TEKT5: variants seen among roughly 807,000 people sequenced by gnomAD.
TEKT5 encodes the protein tektin 5.
Under a neutral mutation model 48.7 loss-of-function variants are expected in TEKT5, and 52 were observed. That is an observed-to-expected ratio of 1.07 (90% CI 0.86 to 1.35). TEKT5 has a LOEUF of 1.35. Among genes scored for constraint, TEKT5 ranks in the 40% most tolerant of loss-of-function variants. The pLI is 0.00. For synonymous variants in TEKT5, 318 were observed against 267.6 expected (o/e 1.19, Z -1.84); for missense variants, 831 against 641.6 (o/e 1.30, Z -3.19).
intron 5 of TEKT5, among the ~76,000 whole-genome samples, chr16:10,655,624 T>A (rs1413384411): frequency 4.1e-4 from 62 of 152,222 alleles, no homozygotes; most frequent in Admixed American, 4.1e-3. Context: ...GCCATGTGAC[T>A]AATTCTAGCC....
chr16:10,656,264 T>G (rs900067756), intron 5 of TEKT5, among the ~76,000 whole-genome samples: 1 of 152,176 alleles, frequency 6.6e-6, no homozygotes, highest in Admixed American at 6.5e-5. Flanking sequence ...TATTTTTATT[T>G]TTATTTTTTT....
rs766724975 is a variant in TEKT5, at chr16:10,694,894, C to G, written c.-21G>C. On this transcript the variant is annotated 5_prime_UTR_variant, in exon 1 of 7. Coordinates refer to ENST00000283025, the MANE Select transcript of TEKT5 (RefSeq NM_144674.2). ...TCCATCCTCCCTCATGAGCCCCACT[C>G]GGGCAAAACTCAGCTCAAGGAGCCA... is the stretch of plus-strand genomic sequence containing the variant. 1.3e-6 allele frequency: 2 copies of G among 1,523,336 alleles called. No individual in the cohort carries two copies. The highest frequency in any genetic ancestry group is 1.8e-6 in the Non-Finnish European group (2 of 1,142,796). The allele number at this position is 1,523,336 out of a possible 1,614,324, so 94.4% of individuals were successfully genotyped here.
intron 5 of TEKT5, among the ~76,000 whole-genome samples, chr16:10,663,562 A>AGG (rs1404271652): frequency 2.0e-5 from 3 of 152,118 alleles, no homozygotes; most frequent in African/African-American, 7.2e-5. Context: ...GCAAGGAGAG[A>AGG]GAGAAAGAGG....
At chr16:10,640,101 C>CTTCCTTCCTTTCTTCTCCTT (rs1897972321) in intron 5 of TEKT5, among the ~76,000 whole-genome samples, 1 of 144,160 alleles carries the variant, frequency 6.9e-6, no homozygotes, top group East Asian at 2.1e-4. Flanking sequence ...CTTCCCTCTC[C>CTTCCTTCCTTTCTTCTCCTT]CCTCCTCCCG....
chr16:10,634,687 G>A (rs1170080977), intron 6 of TEKT5, among the ~76,000 whole-genome samples: 1 of 152,154 alleles, frequency 6.6e-6, no homozygotes, highest in Non-Finnish European at 1.5e-5. Flanking sequence ...TGACATCCTT[G>A]TGGCTGGTAC....
chr16:10,661,570 G>A (rs1015341080), intron 5 of TEKT5, among the ~76,000 whole-genome samples: 2 of 152,248 alleles, frequency 1.3e-5, no homozygotes, highest in Non-Finnish European at 2.9e-5. Flanking sequence ...TGGACAAGCT[G>A]AGAGACAGGA....
intron 4 of TEKT5, among the ~76,000 whole-genome samples, chr16:10,679,535 G>C (rs1287429926): frequency 6.6e-6 from 1 of 151,572 alleles, no homozygotes; most frequent in Non-Finnish European, 1.5e-5. Context: ...GCAGTGAATA[G>C]AGATACTGCA....
At chr16:10,666,978 CTTTTTTT>C (rs201657619) in intron 5 of TEKT5, among the ~76,000 whole-genome samples, 4 of 124,670 alleles carry the variant, frequency 3.2e-5, no homozygotes, top group African/African-American at 1.2e-4. Context: ...TGGCTCCTTA[CTTTTTTT>C]TTTTTTTTTT....
intron 5 of TEKT5, among the ~76,000 whole-genome samples, chr16:10,647,108 G>C (rs1244816606): frequency 6.6e-6 from 1 of 152,036 alleles, no homozygotes; most frequent in East Asian, 1.9e-4. Flanking sequence ...TACCATCTAG[G>C]CGTCCCTACT....
chr16:10,655,476 T>G (rs73510045), intron 5 of TEKT5, among the ~76,000 whole-genome samples: 1 of 152,238 alleles, frequency 6.6e-6, no homozygotes, highest in Non-Finnish European at 1.5e-5. Context: ...GTGAGGGTTA[T>G]GTAAGATTAT....
intron 4 of TEKT5, among the ~76,000 whole-genome samples, chr16:10,679,224 G>A (rs1384046858): frequency 3.3e-5 from 5 of 152,140 alleles, no homozygotes; most frequent in East Asian, 3.9e-4. Context: ...TCAGCACAAT[G>A]TCTAGCACAT....
In TEKT5 at chr16:10,675,991, C is replaced by T; in HGVS notation, c.1054G>A (p.Val352Met). The T allele has an allele frequency of 1.2e-6, 2 of 1,614,230 alleles. No homozygotes were observed. The highest frequency in any genetic ancestry group is 8.5e-7 in the Non-Finnish European group (1 of 1,180,040). Residue 352 changes from valine (V) to methionine (M), a missense_variant, in exon 5 of 7, where the codon GTG becomes ATG. Coordinates refer to ENST00000283025, the MANE Select transcript of TEKT5 (RefSeq NM_144674.2). ...AGCTGCGTCTGCAGCTTATTCTTCA[C>T]ATCCGTCACCTCAGAGATGCGGGCG... ...FNARISEVTD[V>M]KNKLQTQLAK...
chr16:10,640,074 C>CTTCTTCTCCCTTCCTTCCT (rs1897970865), intron 5 of TEKT5, among the ~76,000 whole-genome samples: 1 of 136,556 alleles, frequency 7.3e-6, no homozygotes, highest in South Asian at 2.5e-4. Context: ...TTTCTTTCTC[C>CTTCTTCTCCCTTCCTTCCT]TTCTTCTCCT....
At chr16:10,669,221 A>C (rs1206591124) in intron 5 of TEKT5, among the ~76,000 whole-genome samples, 1 of 152,052 alleles carries the variant, frequency 6.6e-6, no homozygotes, top group Non-Finnish European at 1.5e-5. Flanking sequence ...TAATCCTAGC[A>C]CTTTGGGAGG....
rs143356838 is a variant in TEKT5, at chr16:10,694,567, G to C, written c.307C>G (p.Arg103Gly). The C allele has an allele frequency of 6.2e-7, 1 of 1,602,438 alleles. No individual in the cohort carries two copies. The highest frequency in any genetic ancestry group is 1.3e-5 in the African/African-American group (1 of 74,690). ...DWDQSNQLQVRGAEASRLWAS... is the reference protein window; with the variant it reads ...DWDQSNQLQVGGAEASRLWAS... ...CACAGCCGGGAGGCCTCGGCCCCAC[G>C]CACCTGCAGCTGGTTGGACTGGTCC... The change falls in exon 1 of 7, where the codon CGT (arginine) becomes GGT (glycine). Residue 103 changes from arginine (R) to glycine (G), a missense_variant. Transcript: ENST00000283025.
intron 5 of TEKT5, among the ~76,000 whole-genome samples, chr16:10,640,925 G>A (rs1897985698): frequency 6.6e-6 from 1 of 152,138 alleles, no homozygotes; most frequent in Middle Eastern, 3.2e-3. Flanking sequence ...ACAAATAAGA[G>A]CTGCTATGAA....
At chr16:10,640,305 G>T (rs1364083039) in intron 5 of TEKT5, among the ~76,000 whole-genome samples, 1 of 152,046 alleles carries the variant, frequency 6.6e-6, no homozygotes, top group South Asian at 2.1e-4. Flanking sequence ...ACCACACTCA[G>T]CTAACTTTCT....
chr16:10,658,408 TA>T (rs1360810751), intron 5 of TEKT5, among the ~76,000 whole-genome samples: 1 of 152,284 alleles, frequency 6.6e-6, no homozygotes, highest in East Asian at 1.9e-4. Flanking sequence ...TATCCAGCGG[TA>T]AAAAACAACT....
At chr16:10,686,275 G>A (rs1898860589) in intron 3 of TEKT5, among the ~76,000 whole-genome samples, 2 of 152,094 alleles carry the variant, frequency 1.3e-5, no homozygotes, top group Admixed American at 6.5e-5. Flanking sequence ...ATCTCACACT[G>A]CAGACAAAAA....
Sources: allele counts gnomAD v4.1 joint callset (sites outside exome capture counted in the v4.1 genomes callset), GRCh38; gene constraint gnomAD v4.1.1; transcripts MANE v1.5; gene names NCBI Gene and HGNC (gene_info 2026-07-23, HGNC 2026-07-21).